The following UNC93B1 variants were observed in gnomAD, a reference collection of about 807,000 sequenced individuals.
UNC93B1 encodes protein unc-93 homolog B1.
In UNC93B1, 33 loss-of-function variants were observed where a neutral mutation model predicts 56.8. The observed-to-expected ratio is 0.58, with a 90% CI of 0.44 to 0.78. UNC93B1 has a LOEUF of 0.78. Among genes scored for constraint, UNC93B1 ranks in the 30% least tolerant of loss-of-function variants. The pLI, the probability that UNC93B1 is intolerant of heterozygous loss-of-function variation, is 0.00. For synonymous variants in UNC93B1, 334 were observed against 358.6 expected, an observed-to-expected ratio of 0.93 and a Z score of 0.77; for missense variants, 673 against 819.5, an observed-to-expected ratio of 0.82 and a Z score of 2.18.
chr11:67,999,547 A>G lies in UNC93B1; in HGVS notation c.526T>C (p.Trp176Arg). 6.4e-7 allele frequency: 1 copy of G among 1,564,356 alleles called. No individual in the cohort carries two copies. Among genetic ancestry groups the G allele is most frequent in the Non-Finnish European group, 8.7e-7 (1 of 1,155,178 alleles). The change falls in exon 4 of 11, where the codon TGG (tryptophan) becomes CGG (arginine). Residue 176 changes from tryptophan to arginine, a missense_variant. Coordinates refer to ENST00000227471, the MANE Select transcript of UNC93B1 (RefSeq NM_030930.4). Reference protein sequence around the residue: ...VALGMAIVPLWASMGNYITRM... With the variant: ...VALGMAIVPLRASMGNYITRM... ...GTGATGTAGTTGCCCATGGAAGCCC[A>G]AAGAGGCACGATGGCCATGCCCAGG...
intron 8 of UNC93B1, 78 bp downstream of exon 8, chr11:67,996,524 T>C: frequency 6.9e-7 from 1 of 1,455,010 alleles, no homozygotes; most frequent in Non-Finnish European, 9.1e-7. Context: ...AATTAAAAAT[T>C]ATTCTTTGTT....
intron 6 of UNC93B1, among the ~76,000 whole-genome samples, 151 bp from the exon 7 acceptor site, chr11:67,997,950 G>A (rs1473488988): frequency 2.6e-5 from 4 of 152,178 alleles, no homozygotes; most frequent in Non-Finnish European, 4.4e-5. Context: ...GCAGTTTGGA[G>A]GTTTGGACCA....
At chr11:67,996,034 G>A (rs1223883125) in intron 8 of UNC93B1, 150 bp from the exon 9 acceptor site, 1 of 552,364 alleles carries the variant, frequency 1.8e-6, no homozygotes, top group Non-Finnish European at 2.9e-6. Context: ...TCCCCGCATC[G>A]TGGGGGGTGC....
At chr11:67,992,030 G>A (rs370013978) in intron 10 of UNC93B1, among the ~76,000 whole-genome samples, 173 bp from the exon 11 acceptor site, 11 of 152,272 alleles carry the variant, frequency 7.2e-5, no homozygotes, top group Non-Finnish European at 1.5e-4. Flanking sequence ...TCCTGCAGGC[G>A]AGGCTCACAT....
In UNC93B1 at chr11:67,997,673, A is replaced by C. The variant is rs1195692357; in HGVS notation, c.906+2T>G. ...CTGTCCTGCCCCCATCCCGGGCCGC[A>C]CCAGCAGCATGGCCAGGAAGGCCAC... On this transcript the variant is annotated splice_donor_variant, in intron 7 of 10. Coordinates refer to ENST00000227471, the MANE Select transcript of UNC93B1 (RefSeq NM_030930.4). LOFTEE classifies it high-confidence loss of function. 1 of 1,602,962 alleles carries C rather than the reference A, an allele frequency of 6.2e-7. No individual in the cohort carries two copies. Among genetic ancestry groups the C allele is most frequent in the Non-Finnish European group, 8.5e-7 (1 of 1,179,810 alleles).
chr11:68,003,298 C>T lies in UNC93B1; in HGVS notation c.239-123G>A, dbSNP rs1348180770. Reference sequence around the variant, plus strand: ...CCGAAGGCATTCCCGCTGACAGCGCCCCTCAGGACAGCGGGGTTCCCGGGC... The same window carrying T: ...CCGAAGGCATTCCCGCTGACAGCGCTCCTCAGGACAGCGGGGTTCCCGGGC... On this transcript the variant is annotated intron_variant, in intron 2 of 10. Coordinates refer to ENST00000227471, the MANE Select transcript of UNC93B1 (RefSeq NM_030930.4). The surrounding 1 kb of genome is among the most constrained non-coding windows in gnomAD (Gnocchi z 4.4). 3.3e-6 allele frequency: 4 copies of T among 1,226,488 alleles called. No homozygotes were observed. The Admixed American group carries it at 1.2e-4, about 35-fold the overall frequency. The allele number at this position is 1,226,488 out of a possible 1,614,324, so 76.0% of individuals were successfully genotyped here. A position where few individuals can be genotyped will look rare whatever the true frequency, so the allele number is the denominator to read the frequency against.
At chr11:67,994,510 C>T (rs181389124) in intron 9 of UNC93B1, among the ~76,000 whole-genome samples, 1 of 152,276 alleles carries the variant, frequency 6.6e-6, no homozygotes, top group East Asian at 1.9e-4. Context: ...TGTTTTGGGG[C>T]CCTGCAGGGT....
In UNC93B1 at chr11:68,003,331, C is replaced by T. The variant is rs1447351533; in HGVS notation, c.239-156G>A. 2 of 1,020,196 alleles carry T rather than the reference C, an allele frequency of 2.0e-6. No homozygotes were observed. The highest frequency in any genetic ancestry group is 2.7e-6 in the Non-Finnish European group (2 of 734,620). The allele number at this position is 1,020,196 out of a possible 1,614,324, so 63.2% of individuals were successfully genotyped here. A position where few individuals can be genotyped will look rare whatever the true frequency, so the allele number is the denominator to read the frequency against. On this transcript the variant is annotated intron_variant, in intron 2 of 10. Transcript: ENST00000227471. This position sits in a 1 kb window ranked among gnomAD's most constrained non-coding sequence, Gnocchi z 4.4. The stretch of plus-strand genomic sequence containing the variant: ...ACAGCGGGGTTCCCGGGCTGCGCCA[C>T]GCCTTCTGCCAGCCCGCGGCCACTT...
intron 9 of UNC93B1, among the ~76,000 whole-genome samples, chr11:67,994,726 C>T (rs190012828): frequency 1.1e-3 from 171 of 152,286 alleles, no homozygotes; most frequent in African/African-American, 4.0e-3. Flanking sequence ...AGGCTCCAGC[C>T]CCTGCTACAG....
intron 9 of UNC93B1, among the ~76,000 whole-genome samples, chr11:67,994,714 T>G (rs960836168): frequency 6.6e-6 from 1 of 152,168 alleles, no homozygotes; most frequent in Non-Finnish European, 1.5e-5. Context: ...TGGTGCAGTA[T>G]GAGGCTCCAG....
rs370013978 is a variant in UNC93B1, at chr11:67,992,030, G to T, written c.1483-173C>A. ...GCTTCCTGGACCGCCTCCTGCAGGC[G>T]AGGCTCACATCCAGCACTGTCCCTT... On this transcript the variant is annotated intron_variant, in intron 10 of 10. Transcript: ENST00000227471. 4.6e-5 allele frequency among the ~76,000 whole-genome samples: 7 copies of T among 152,390 alleles called. No individual in the cohort carries two copies. The South Asian group carries it at 1.2e-3, about 27-fold the overall frequency.
At chr11:67,993,347 T>C (rs539345094) in intron 10 of UNC93B1, among the ~76,000 whole-genome samples, 8 of 152,246 alleles carry the variant, frequency 5.3e-5, no homozygotes, top group Admixed American at 1.3e-4. Context: ...GAGCCACCAT[T>C]TTTTGTGAGC....
chr11:68,001,179 A>G (rs1444099883), intron 3 of UNC93B1, among the ~76,000 whole-genome samples: 1 of 152,072 alleles, frequency 6.6e-6, no homozygotes, highest in East Asian at 1.9e-4. Flanking sequence ...CTGGTGATAG[A>G]GTGAGACTCC....
At chr11:67,998,127 C>T (rs1223466277) in intron 6 of UNC93B1, among the ~76,000 whole-genome samples, 1 of 152,270 alleles carries the variant, frequency 6.6e-6, no homozygotes, top group Non-Finnish European at 1.5e-5. Context: ...AAAGATCCCA[C>T]TGGCAGCCTC....
In UNC93B1 at chr11:67,991,768, C is replaced by A. The variant is rs764949424; in HGVS notation, c.1572G>T (p.Pro524=). 6 of 1,540,158 alleles carry A rather than the reference C, an allele frequency of 3.9e-6. No individual in the cohort carries two copies. In the South Asian group the frequency reaches 5.9e-5, roughly 15 times the overall value. Residue 524 remains proline, a synonymous_variant, in exon 11 of 11, where the codon CCG becomes CCT. Transcript: ENST00000227471. ...MEQKLRRGVA[P]RQPRIPRPQH... ...GGGGCCGCGGGATGCGGGGCTGGCG[C>A]GGGGCCACGCCCCGGCGCAGCTTCT... is the stretch of plus-strand genomic sequence containing the variant.
chr11:67,991,240 C>A lies in UNC93B1; in HGVS notation c.*306G>T. 1 of 314,348 alleles carries A rather than the reference C, an allele frequency of 3.2e-6. No homozygotes were observed. The allele number at this position is 314,348 out of a possible 1,614,324, so 19.5% of individuals were successfully genotyped here. Reference sequence around the variant, plus strand: ...GAGAGCTGTGGGGATCTGGAGCGGGCCGGGTCGCAAGAAGACCCTGACCGT... The same window carrying A: ...GAGAGCTGTGGGGATCTGGAGCGGGACGGGTCGCAAGAAGACCCTGACCGT... On this transcript the variant is annotated 3_prime_UTR_variant, in exon 11 of 11. Coordinates refer to ENST00000227471, the MANE Select transcript of UNC93B1 (RefSeq NM_030930.4).
rs1856845594 is a variant in UNC93B1 at position 67,991,700 on chromosome 11, G to A, written c.1640C>T (p.Ser547Leu). ...CTCGCCCTCCGCGTCGCTCTCGTCC[G>A]AGTTGTCCTCCTCCAAGTAGCGGTA... ...RGYRYLEEDN[S>L]DESDAEGEHG... is the part of the protein sequence containing the mutation. Residue 547 changes from serine to leucine, a missense_variant, in exon 11 of 11, where the codon TCG (serine) becomes TTG (leucine). This residue lies in a region of UNC93B1 where 80 missense variants were observed against 85.3 expected (regional missense o/e 0.94). Coordinates refer to ENST00000227471, the MANE Select transcript of UNC93B1 (RefSeq NM_030930.4). 2 of 1,533,790 alleles carry A rather than the reference G, an allele frequency of 1.3e-6. No individual in the cohort carries two copies. The highest frequency in any genetic ancestry group is 1.7e-6 in the Non-Finnish European group (2 of 1,146,576).
In UNC93B1 at chr11:67,996,782, C is replaced by A. The variant is rs1437044813; in HGVS notation, c.909G>T (p.Val303=). The A allele has an allele frequency of 6.5e-7, 1 of 1,544,284 alleles. No homozygotes were observed. Among genetic ancestry groups the A allele is most frequent in the Admixed American group, 1.9e-5 (1 of 52,558 alleles). ...GGTAAGCGGCTCCGCACAAACCCAG[C>A]ACCTGCGAACCCATTACTTGAAGGG... The part of the protein sequence containing the change: ...MAVAFLAMLL[V]LGLCGAAYRP... Residue 303 remains valine, a splice_region_variant and synonymous_variant, in exon 8 of 11, where the codon GTG becomes GTT. Coordinates refer to ENST00000227471, the MANE Select transcript of UNC93B1 (RefSeq NM_030930.4).
Position 67,999,166 on chromosome 11 carries a change from C to CA in UNC93B1, c.687+6dup, listed in dbSNP as rs751883382. On this transcript the variant is annotated splice_region_variant and intron_variant, in intron 5 of 10. Transcript: ENST00000227471. ...TGCCACCCAACAATGGCCCACGTGG[C>CA]ACTCACATGGAAGAAGCTGTAGAAG... 6.2e-7 allele frequency: 1 copy of CA among 1,613,838 alleles called. No individual in the cohort carries two copies. Among genetic ancestry groups the CA allele is most frequent in the Non-Finnish European group, 8.5e-7 (1 of 1,179,844 alleles).
Sources: gnomAD v4.1 joint callset for allele counts (sites outside exome capture counted in the v4.1 genomes callset) on GRCh38, gnomAD v4.1.1 for gene constraint, gnomAD v4.1.1 regional missense constraint, Gnocchi (gnomAD v3.1) non-coding constraint, MANE v1.5 for transcripts, NCBI Gene and HGNC (gene_info 2026-07-23, HGNC 2026-07-21) for gene names.